ASB9: variants seen among roughly 807,000 people sequenced by gnomAD.
ASB9 encodes the protein ankyrin repeat and SOCS box protein 9.
Under a neutral mutation model 16.6 loss-of-function variants are expected in ASB9, and 5 were observed. That is an observed-to-expected ratio of 0.30 (90% CI 0.16 to 0.63). The LOEUF is 0.63. ASB9 is among the 30% of genes least tolerant of loss of function. ASB9 has a pLI of 0.82. For synonymous variants in ASB9, 100 were observed against 86.4 expected (o/e 1.16, Z -0.87); for missense variants, 216 against 229.4 (o/e 0.94, Z 0.38).
intron 1 of ASB9, among the ~76,000 whole-genome samples, chrX:15,261,756 T>A (rs1219785737): frequency 8.9e-6 from 1 of 112,615 alleles, no homozygotes; most frequent in South Asian, 3.7e-4. Context: ...AATGTGAATA[T>A]CTCTAGCTAG....
intron 1 of ASB9, among the ~76,000 whole-genome samples, chrX:15,259,805 A>G (rs1242875663): frequency 8.9e-6 from 1 of 112,800 alleles, no homozygotes; most frequent in African/African-American, 3.2e-5. Flanking sequence ...ACGTTGTTTC[A>G]TGCACAAACT....
chrX:15,268,147 C>T (rs192051163), intron 1 of ASB9, among the ~76,000 whole-genome samples: 1,715 of 110,157 alleles, frequency 0.016, 39 homozygotes, highest in African/African-American at 0.053. Context: ...GCCTGGCCAA[C>T]GTGGTGAAAC....
At chrX:15,253,382 G>A (rs1462897668) in intron 3 of ASB9, among the ~76,000 whole-genome samples, 2 of 110,164 alleles carry the variant, frequency 1.8e-5, no homozygotes, top group Non-Finnish European at 3.8e-5. Flanking sequence ...ACCTGAGGTC[G>A]GAAGTTCGAG....
intron 1 of ASB9, among the ~76,000 whole-genome samples, chrX:15,267,417 A>AACAT (rs780282231): frequency 3.8e-5 from 3 of 78,029 alleles, no homozygotes; most frequent in Non-Finnish European, 7.0e-5. Flanking sequence ...CTAAAAAAAA[A>AACAT]ATATATATAT....
At chrX:15,248,465 AG>A (rs1185197537) in intron 6 of ASB9, among the ~76,000 whole-genome samples, 5 of 112,029 alleles carry the variant, frequency 4.5e-5, no homozygotes, top group African/African-American at 1.6e-4. Context: ...ATTTTAAAAC[AG>A]TATCTTAATT....
chrX:15,269,119 T>G (rs1170482393), intron 1 of ASB9, among the ~76,000 whole-genome samples: 9 of 111,727 alleles, frequency 8.1e-5, no homozygotes, highest in Admixed American at 4.8e-4. Flanking sequence ...GGCTGGAGAG[T>G]TAACCAGTAT....
At chrX:15,250,240 G>A (rs1052918361) in intron 5 of ASB9, among the ~76,000 whole-genome samples, 190 bp downstream of exon 5, 2 of 110,911 alleles carry the variant, frequency 1.8e-5, no homozygotes, top group African/African-American at 3.3e-5. Flanking sequence ...CCTCATCCTT[G>A]TTACAAATGA....
At chrX:15,268,830 T>G (rs1021206432) in intron 1 of ASB9, among the ~76,000 whole-genome samples, 71 of 108,676 alleles carry the variant, frequency 6.5e-4, no homozygotes, top group African/African-American at 2.3e-3. Context: ...AAAAAAAAAT[T>G]AATAAATAAT....
At chrX:15,252,872 A>T (rs1173365126) in intron 3 of ASB9, among the ~76,000 whole-genome samples, 1 of 112,667 alleles carries the variant, frequency 8.9e-6, no homozygotes, top group East Asian at 2.8e-4. Flanking sequence ...TATAGAATTA[A>T]CACATACCCA....
chrX:15,252,135 TCC>T, intron 4 of ASB9, 117 bp downstream of exon 4: 1 of 814,181 alleles, frequency 1.2e-6, no homozygotes, highest in Non-Finnish European at 1.7e-6. Context: ...ATGCTTCCAG[TCC>T]TGGGACTCCA....
In ASB9 at chrX:15,267,759, A is replaced by C. The variant is rs1325108218; in HGVS notation, c.94+2022T>G. Among the ~76,000 whole-genome samples the C allele has an allele frequency of 8.7e-4, 88 of 101,119 alleles. 1 individual carries two copies. Among genetic ancestry groups the C allele is most frequent in the African/African-American group, 2.2e-3 (60 of 27,901 alleles). The allele number at this position is 101,119 out of a possible 115,157, so 87.8% of individuals were successfully genotyped here. The stretch of plus-strand genomic sequence containing the variant: ...ACTCCACTTCAAAAAAAACAAAAAA[A>C]AAAAAAAAAAAAGAAATTCTTTGTG... On this transcript the variant is annotated intron_variant, in intron 1 of 6. Transcript: ENST00000380488.
intron 1 of ASB9, among the ~76,000 whole-genome samples, chrX:15,266,100 G>A (rs992557130): frequency 3.6e-5 from 4 of 110,790 alleles, no homozygotes; most frequent in Admixed American, 9.6e-5. Context: ...ACTGCACCCA[G>A]TCAAATGTTT....
At chrX:15,247,745 CCT>C (rs1924788790) in intron 6 of ASB9, among the ~76,000 whole-genome samples, 2 of 112,311 alleles carry the variant, frequency 1.8e-5, no homozygotes, top group African/African-American at 6.5e-5. Flanking sequence ...CTGTAAGGGG[CCT>C]CTACTGGACT....
chrX:15,251,583 T>C (rs767961427), intron 4 of ASB9, among the ~76,000 whole-genome samples: 26 of 112,277 alleles, frequency 2.3e-4, no homozygotes, highest in African/African-American at 7.7e-4. Flanking sequence ...TGGGAAGCCA[T>C]TCTATGAAAG....
At chrX:15,261,986 T>C (rs1303531942) in intron 1 of ASB9, among the ~76,000 whole-genome samples, 1 of 112,360 alleles carries the variant, frequency 8.9e-6, no homozygotes, top group African/African-American at 3.2e-5. Context: ...GGATCTACTT[T>C]CTGTCTCTAT....
chrX:15,250,179 C>G (rs929597167), intron 5 of ASB9, among the ~76,000 whole-genome samples: 26 of 104,307 alleles, frequency 2.5e-4, no homozygotes, highest in Admixed American at 8.3e-4. Context: ...TGAGGACCAC[C>G]CTGAGAAGAG....
At chrX:15,267,696 A>T (rs992221762) in intron 1 of ASB9, among the ~76,000 whole-genome samples, 1 of 97,529 alleles carries the variant, frequency 1.0e-5, no homozygotes, top group African/African-American at 3.8e-5. Flanking sequence ...GTGAGCTGAG[A>T]TTGCTCCACT....
intron 6 of ASB9, among the ~76,000 whole-genome samples, chrX:15,245,993 G>T (rs1180059479): frequency 1.8e-5 from 2 of 111,718 alleles, no homozygotes; most frequent in African/African-American, 3.3e-5. Flanking sequence ...AAAATGAACG[G>T]CTTCCCAGTG....
intron 1 of ASB9, among the ~76,000 whole-genome samples, chrX:15,265,877 C>T (rs1204593408): frequency 8.6e-5 from 9 of 105,234 alleles, no homozygotes; most frequent in African/African-American, 3.2e-4. Context: ...GATCTCGGCT[C>T]ACCACAACCT....
Sources: gnomAD v4.1 joint callset for allele counts (sites outside exome capture counted in the v4.1 genomes callset) on GRCh38, gnomAD v4.1.1 for gene constraint, MANE v1.5 for transcripts, NCBI Gene and HGNC (gene_info 2026-07-23, HGNC 2026-07-21) for gene names.